CERS3: variants seen among roughly 807,000 people sequenced by gnomAD.
The protein encoded by CERS3 is ceramide synthase 3.
CERS3 carries 33 observed loss-of-function variants against 50.3 expected under a neutral mutation model. The observed-to-expected ratio is 0.66, with a 90% CI of 0.50 to 0.88. The LOEUF is 0.88. Among genes scored for constraint, CERS3 ranks in the 40% least tolerant of loss-of-function variants. The pLI, the probability that CERS3 is intolerant of heterozygous loss-of-function variation, is 0.00. For synonymous variants in CERS3, 176 were observed against 155.2 expected, an observed-to-expected ratio of 1.13 and a Z score of -0.99; for missense variants, 470 against 460.3, an observed-to-expected ratio of 1.02 and a Z score of -0.19.
chr15:100,523,665 C>A (rs993865945), intron 1 of CERS3, among the ~76,000 whole-genome samples: 1 of 142,354 alleles, frequency 7.0e-6, no homozygotes, highest in African/African-American at 2.7e-5. Flanking sequence ...TGCACCACTG[C>A]ACTCCAGCAT....
At chr15:100,453,035 CAGA>C (rs2034229919) in intron 11 of CERS3, among the ~76,000 whole-genome samples, 2 of 151,910 alleles carry the variant, frequency 1.3e-5, no homozygotes, top group South Asian at 4.2e-4. Flanking sequence ...AGTCCAGGTC[CAGA>C]TAGCTGTATT....
chr15:100,471,979 G>A (rs1047407089), intron 9 of CERS3, among the ~76,000 whole-genome samples: 12 of 152,102 alleles, frequency 7.9e-5, no homozygotes, highest in Non-Finnish European at 1.5e-4. Flanking sequence ...AAACACAGAA[G>A]AATATGTGAC....
Position 100,402,505 on chromosome 15 carries a change from C to T in CERS3, c.*208G>A, listed in dbSNP as rs879463177. 3.3e-4 allele frequency: 184 copies of T among 564,652 alleles called. 1 individual carries two copies. The highest frequency in any genetic ancestry group is 1.9e-3 in the Middle Eastern group (4 of 2,106). The allele number at this position is 564,652 out of a possible 1,614,324, so 35.0% of individuals were successfully genotyped here. A position where few individuals can be genotyped will look rare whatever the true frequency, so the allele number is the denominator to read the frequency against. The stretch of plus-strand genomic sequence containing the variant: ...TTTGAAATCTTTGACCAGTCTGAGT[C>T]CTAACTGCAGTAAAAATCCATGGGC... On this transcript the variant is annotated 3_prime_UTR_variant, in exon 12 of 12. Transcript: ENST00000679737.
intron 2 of CERS3, among the ~76,000 whole-genome samples, chr15:100,511,288 CA>C (rs1245386351): frequency 1.3e-5 from 2 of 151,250 alleles, no homozygotes; most frequent in African/African-American, 2.4e-5. Context: ...GACTCCATCT[CA>C]AAGAACAAAA....
intron 10 of CERS3, among the ~76,000 whole-genome samples, chr15:100,457,710 G>A (rs2034422589): frequency 6.6e-6 from 1 of 152,184 alleles, no homozygotes; most frequent in South Asian, 2.1e-4. Context: ...GTGCCATCTG[G>A]TAAATATATG....
intron 2 of CERS3, among the ~76,000 whole-genome samples, chr15:100,515,666 G>A (rs748852713): frequency 1.3e-5 from 2 of 151,876 alleles, no homozygotes; most frequent in Non-Finnish European, 2.9e-5. Flanking sequence ...AAATCTTAGG[G>A]TTCAAAAAAA....
intron 11 of CERS3, among the ~76,000 whole-genome samples, chr15:100,418,887 A>AT (rs1870844234): frequency 6.6e-6 from 1 of 151,884 alleles, no homozygotes; most frequent in South Asian, 2.1e-4. Flanking sequence ...ATGCTGAGAG[A>AT]TTTTGTCACC....
intron 4 of CERS3, among the ~76,000 whole-genome samples, chr15:100,487,846 T>C (rs1424085616): frequency 6.6e-6 from 1 of 152,240 alleles, no homozygotes; most frequent in Admixed American, 6.5e-5. Context: ...TTGAATGTAG[T>C]AACTGGCTTG....
chr15:100,445,492 A>G (rs2033896072), intron 11 of CERS3, among the ~76,000 whole-genome samples: 1 of 152,026 alleles, frequency 6.6e-6, no homozygotes, highest in African/African-American at 2.4e-5. Context: ...GTCCTTTAAA[A>G]CCTGTTTTTC....
chr15:100,462,772 C>G (rs1248114164), intron 10 of CERS3, among the ~76,000 whole-genome samples: 1 of 152,158 alleles, frequency 6.6e-6, no homozygotes, highest in Non-Finnish European at 1.5e-5. Context: ...AAGAGGTAAG[C>G]AACTGTTCCA....
chr15:100,440,538 C>G (rs576737468), intron 11 of CERS3, among the ~76,000 whole-genome samples: 1 of 152,348 alleles, frequency 6.6e-6, no homozygotes, highest in South Asian at 2.1e-4. Context: ...TGCCTGCACC[C>G]AGGTGAAATA....
chr15:100,420,873 A>C (rs889919421), intron 11 of CERS3, among the ~76,000 whole-genome samples: 1 of 151,468 alleles, frequency 6.6e-6, no homozygotes, highest in African/African-American at 2.4e-5. Context: ...CCTTTGACAA[A>C]ATTCAACAAC....
intron 1 of CERS3, among the ~76,000 whole-genome samples, chr15:100,542,530 CA>C (rs1175374953): frequency 6.6e-6 from 1 of 152,152 alleles, no homozygotes; most frequent in African/African-American, 2.4e-5. Flanking sequence ...ATCAGACACT[CA>C]AATGCATGCC....
intron 5 of CERS3, among the ~76,000 whole-genome samples, chr15:100,484,341 G>A (rs1456371879): frequency 6.6e-6 from 1 of 152,186 alleles, no homozygotes; most frequent in African/African-American, 2.4e-5. Flanking sequence ...CGGGAGGCCC[G>A]ATAAATAGAG....
intron 11 of CERS3, among the ~76,000 whole-genome samples, chr15:100,418,135 G>T (rs1161331061): frequency 1.3e-5 from 2 of 151,968 alleles, no homozygotes; most frequent in African/African-American, 4.8e-5. Context: ...ATTACTCTGA[G>T]CTACGGGAGG....
At chr15:100,429,454 T>C (rs2033000364) in intron 11 of CERS3, among the ~76,000 whole-genome samples, 2 of 152,166 alleles carry the variant, frequency 1.3e-5, no homozygotes, top group African/African-American at 2.4e-5. Flanking sequence ...TATTTGATGG[T>C]GATAGGCTCT....
intron 1 of CERS3, among the ~76,000 whole-genome samples, chr15:100,523,393 G>A (rs1309132264): frequency 6.6e-6 from 1 of 152,084 alleles, no homozygotes; most frequent in Non-Finnish European, 1.5e-5. Flanking sequence ...CATCATGTTA[G>A]TACTTATTGT....
chr15:100,470,875 G>A (rs1194387481), intron 9 of CERS3, among the ~76,000 whole-genome samples: 1 of 152,154 alleles, frequency 6.6e-6, no homozygotes, highest in Non-Finnish European at 1.5e-5. Context: ...GCTAAGAAAT[G>A]ACCCAGTGTC....
intron 2 of CERS3, among the ~76,000 whole-genome samples, chr15:100,504,747 G>A (rs1028555872): frequency 2.6e-5 from 4 of 152,136 alleles, no homozygotes; most frequent in Admixed American, 2.6e-4. Flanking sequence ...TGGGTACAAA[G>A]GTGCAGTAAG....
Sources: gnomAD v4.1 joint callset for allele counts (sites outside exome capture counted in the v4.1 genomes callset) on GRCh38, gnomAD v4.1.1 for gene constraint, MANE v1.5 for transcripts, NCBI Gene and HGNC (gene_info 2026-07-23, HGNC 2026-07-21) for gene names.